Variants in AOPEP observed in about 807,000 individuals in gnomAD.
AOPEP encodes aminopeptidase O (putative), also known as aminopeptidase O.
AOPEP carries 77 observed loss-of-function variants against 98.1 expected under a neutral mutation model. That is an observed-to-expected ratio of 0.78 (90% CI 0.65 to 0.95). The LOEUF (loss-of-function observed/expected upper bound fraction) is 0.95, where lower values mean the gene tolerates loss of function less well. Ranked by LOEUF, AOPEP falls within the 40% of genes least tolerant of loss-of-function variation. The probability of loss-of-function intolerance (pLI) is 0.00; values close to 1 mark genes in which losing one functional copy is unlikely to be tolerated. For synonymous variants in AOPEP, 346 were observed against 365.3 expected, an observed-to-expected ratio of 0.95 and a Z score of 0.60; for missense variants, 1,024 against 1,024.7, an observed-to-expected ratio of 1.00 and a Z score of 0.01.
intron 5 of AOPEP, among the ~76,000 whole-genome samples, chr9:94,902,316 G>A (rs1190168330): frequency 2.0e-5 from 3 of 152,182 alleles, no homozygotes; most frequent in Non-Finnish European, 2.9e-5. Flanking sequence ...TATGTGCTGT[G>A]CCTCAGCTCA....
chr9:94,973,437 G>T (rs183332811), intron 10 of AOPEP, among the ~76,000 whole-genome samples: 1 of 152,334 alleles, frequency 6.6e-6, no homozygotes, highest in Non-Finnish European at 1.5e-5. Flanking sequence ...ATGAACAATT[G>T]GTTACTTTCT....
At chr9:95,031,388 G>T (rs1410346980) in intron 13 of AOPEP, among the ~76,000 whole-genome samples, 1 of 152,186 alleles carries the variant, frequency 6.6e-6, no homozygotes, top group African/African-American at 2.4e-5. Context: ...CACGGAGCGT[G>T]TTCTTGGTGG....
At chr9:95,004,747 C>T (rs1425358337) in intron 11 of AOPEP, among the ~76,000 whole-genome samples, 2 of 104,042 alleles carry the variant, frequency 1.9e-5, no homozygotes, top group African/African-American at 7.6e-5. Context: ...GGGCGCGGGG[C>T]GGCCGGAGCC....
chr9:94,893,549 T>C (rs1016742327), intron 5 of AOPEP, among the ~76,000 whole-genome samples: 12 of 152,242 alleles, frequency 7.9e-5, no homozygotes, highest in South Asian at 4.1e-4. Context: ...TTCTTTCTTA[T>C]TGGCTCATTT....
chr9:95,137,718 A>C, the AOPEP span, among the ~76,000 whole-genome samples: 1 of 152,222 alleles, frequency 6.6e-6, no homozygotes, highest in Non-Finnish European at 1.5e-5. Context: ...GAAGGTACAC[A>C]TTTGGGTGTC....
chr9:94,845,963 C>T (rs1203861710), intron 5 of AOPEP, among the ~76,000 whole-genome samples: 4 of 152,048 alleles, frequency 2.6e-5, no homozygotes, highest in South Asian at 2.1e-4. Context: ...GGCGTGGTGT[C>T]GGGTGCCTGT....
intron 5 of AOPEP, among the ~76,000 whole-genome samples, chr9:94,923,307 C>T (rs2053869313): frequency 6.6e-6 from 1 of 152,176 alleles, no homozygotes; most frequent in Non-Finnish European, 1.5e-5. Context: ...GCCATTTGCA[C>T]ACCTGGGTGG....
chr9:95,116,769 C>T, the AOPEP span, among the ~76,000 whole-genome samples: 1 of 152,354 alleles, frequency 6.6e-6, no homozygotes, highest in Non-Finnish European at 1.5e-5. Context: ...ACTTCCCCAG[C>T]TGGATAGCCT....
chr9:94,795,411 A>T (rs781237631), intron 4 of AOPEP, among the ~76,000 whole-genome samples: 1 of 152,128 alleles, frequency 6.6e-6, no homozygotes, highest in Admixed American at 6.5e-5. Context: ...GTGGTTGGAT[A>T]TACCTCTTTG....
At chr9:94,728,241 A>ACACACACACACACT (rs1829710254) in intron 1 of AOPEP, among the ~76,000 whole-genome samples, 2 of 134,406 alleles carry the variant, frequency 1.5e-5, no homozygotes, top group African/African-American at 5.8e-5. Flanking sequence ...GCGCGCATGC[A>ACACACACACACACT]CACACACACA....
chr9:95,005,586 G>C lies in AOPEP; in HGVS notation c.2085G>C (p.Lys695Asn), dbSNP rs1386773378. The C allele has an allele frequency of 6.2e-7, 1 of 1,614,032 alleles. No homozygotes were observed. The highest frequency in any genetic ancestry group is 8.5e-7 in the Non-Finnish European group (1 of 1,179,952). Residue 695 changes from lysine (K) to asparagine (N), a missense_variant, in exon 13 of 17, where the codon AAG becomes AAC. Transcript: ENST00000375315. ...IGVNRRPRKR[K>N]RREKEEVFEK... Reference sequence around the variant, plus strand: ...TGAACCGGAGACCCCGAAAACGGAAGCGCAGGGAGAAGGAAGAGGTGTTTG... The same window carrying C: ...TGAACCGGAGACCCCGAAAACGGAACCGCAGGGAGAAGGAAGAGGTGTTTG...
intron 10 of AOPEP, 104 bp downstream of exon 10, chr9:94,967,905 T>G: frequency 1.0e-6 from 1 of 968,492 alleles, no homozygotes; most frequent in Non-Finnish European, 1.7e-6. Flanking sequence ...TCAGTCTTTC[T>G]GTCTAATAGA....
At chr9:94,936,534 C>G (rs1363169537) in intron 7 of AOPEP, among the ~76,000 whole-genome samples, 1 of 152,194 alleles carries the variant, frequency 6.6e-6, no homozygotes, top group African/African-American at 2.4e-5. Context: ...TGTTTTTCAT[C>G]TGCTCTCACT....
chr9:95,071,749 G>T (rs987715542), intron 14 of AOPEP, among the ~76,000 whole-genome samples: 1 of 152,148 alleles, frequency 6.6e-6, no homozygotes, highest in African/African-American at 2.4e-5. Context: ...CCTTGTGAAT[G>T]ATGTTTATTT....
intron 5 of AOPEP, among the ~76,000 whole-genome samples, chr9:94,922,487 C>T (rs1205005641): frequency 6.6e-6 from 1 of 152,236 alleles, no homozygotes; most frequent in Non-Finnish European, 1.5e-5. Context: ...TTACTTGGTA[C>T]ATTTCTGTGG....
At chr9:94,748,750 G>T (rs1564061667) in intron 1 of AOPEP, among the ~76,000 whole-genome samples, 1 of 152,080 alleles carries the variant, frequency 6.6e-6, no homozygotes, top group South Asian at 2.1e-4. Flanking sequence ...GTACTGGTTA[G>T]GTATATTTTA....
At chr9:95,050,680 T>A (rs979717082) in intron 13 of AOPEP, among the ~76,000 whole-genome samples, 1 of 152,222 alleles carries the variant, frequency 6.6e-6, no homozygotes, top group Non-Finnish European at 1.5e-5. Context: ...GACAGGTTGC[T>A]TTGTCAACTT....
intron 3 of AOPEP, among the ~76,000 whole-genome samples, chr9:94,786,061 C>T (rs972923119): frequency 6.6e-6 from 1 of 152,162 alleles, no homozygotes; most frequent in African/African-American, 2.4e-5. Flanking sequence ...TTTGCCTTTG[C>T]CTTCAGAAAA....
intron 1 of AOPEP, among the ~76,000 whole-genome samples, chr9:94,754,585 A>G (rs139902260): frequency 2.4e-3 from 368 of 152,350 alleles, no homozygotes; most frequent in Non-Finnish European, 3.9e-3. Flanking sequence ...CAGGCAAGCT[A>G]GAATCCCTGT....
Sources: allele counts gnomAD v4.1 joint callset (sites outside exome capture counted in the v4.1 genomes callset), GRCh38; gene constraint gnomAD v4.1.1; transcripts MANE v1.5; gene names NCBI Gene and HGNC (gene_info 2026-07-23, HGNC 2026-07-21).